The following A1CF variants were observed in gnomAD, a reference collection of about 807,000 sequenced individuals.
A1CF encodes APOBEC1 complementation factor.
A neutral mutation model predicts 68.9 loss-of-function variants in A1CF; 48 were observed. That is an observed-to-expected ratio of 0.70 (90% CI 0.55 to 0.89). The LOEUF (loss-of-function observed/expected upper bound fraction) is 0.89. Ranked by LOEUF, A1CF falls within the 40% of genes least tolerant of loss-of-function variation. A1CF has a pLI of 0.00. For synonymous variants in A1CF, 272 were observed against 260.4 expected, an observed-to-expected ratio of 1.04 and a Z score of -0.43; for missense variants, 653 against 718.9, an observed-to-expected ratio of 0.91 and a Z score of 1.05.
chr10:50,883,419 C>A (rs12244405), intron 1 of A1CF, among the ~76,000 whole-genome samples: 1 of 152,020 alleles, frequency 6.6e-6, no homozygotes. Flanking sequence ...TTACAATAGG[C>A]GTTTCCACTT....
At chr10:50,856,616 T>C (rs1443914848) in intron 3 of A1CF, among the ~76,000 whole-genome samples, 1 of 152,078 alleles carries the variant, frequency 6.6e-6, no homozygotes, top group African/African-American at 2.4e-5. Flanking sequence ...AACCAAAAAT[T>C]TTGGCCAATA....
intron 1 of A1CF, among the ~76,000 whole-genome samples, chr10:50,872,183 A>G (rs1182298137): frequency 6.6e-6 from 1 of 152,192 alleles, no homozygotes; most frequent in African/African-American, 2.4e-5. Flanking sequence ...TAAAACAAAA[A>G]ACCAAGATAA....
intron 1 of A1CF, among the ~76,000 whole-genome samples, chr10:50,869,101 G>A (rs1841132440): frequency 6.6e-6 from 1 of 151,824 alleles, no homozygotes; most frequent in Admixed American, 6.6e-5. Flanking sequence ...AAGTTCACCT[G>A]TGTAATAAAT....
In A1CF at chr10:50,837,452, T is replaced by C. The variant is rs1009653646; in HGVS notation, c.366-1140A>G. 3.3e-5 allele frequency among the ~76,000 whole-genome samples: 5 copies of C among 152,210 alleles called. No individual in the cohort carries two copies. In the South Asian group the frequency reaches 8.3e-4, roughly 25 times the overall value. ...CCAAATAAAGTATCTTCTGGGAATA[T>C]GTCCCTGGAAAATAAAAGTGAGCCC... On this transcript the variant is annotated intron_variant, in intron 5 of 12. Coordinates refer to ENST00000373997, the MANE Select transcript of A1CF (RefSeq NM_014576.4).
At chr10:50,845,015 T>A (rs1374197170) in intron 3 of A1CF, among the ~76,000 whole-genome samples, 1 of 152,202 alleles carries the variant, frequency 6.6e-6, no homozygotes, top group Non-Finnish European at 1.5e-5. Flanking sequence ...ATCTGTGGTG[T>A]CTGTGGGTCA....
intron 10 of A1CF, 76 bp from the exon 11 acceptor site, chr10:50,811,252 C>G (rs1838098459): frequency 6.9e-7 from 1 of 1,445,274 alleles, no homozygotes; most frequent in African/African-American, 1.4e-5. Context: ...GGTTTTTAAA[C>G]TCTAATTTTC....
At chr10:50,880,109 A>T (rs1243451186) in intron 1 of A1CF, among the ~76,000 whole-genome samples, 3 of 152,126 alleles carry the variant, frequency 2.0e-5, no homozygotes, top group African/African-American at 4.8e-5. Flanking sequence ...TCTAACAAAA[A>T]CCCAAGCTGG....
chr10:50,855,845 T>C (rs974737045), intron 3 of A1CF, among the ~76,000 whole-genome samples: 7 of 152,014 alleles, frequency 4.6e-5, no homozygotes, highest in African/African-American at 1.7e-4. Flanking sequence ...TTCTAAACTA[T>C]CATTTTATGG....
chr10:50,830,680 G>C (rs1478229288), intron 6 of A1CF, among the ~76,000 whole-genome samples: 1 of 152,120 alleles, frequency 6.6e-6, no homozygotes, highest in East Asian at 1.9e-4. Flanking sequence ...TTGTTATAAA[G>C]TCCACGCTAC....
chr10:50,861,737 TTATTAC>T (rs1840756386), intron 2 of A1CF, among the ~76,000 whole-genome samples: 1 of 147,948 alleles, frequency 6.8e-6, no homozygotes, highest in Admixed American at 6.8e-5. Flanking sequence ...TTACTGGTAA[TTATTAC>T]TATTACTACT....
chr10:50,809,367 G>A (rs1024953418), intron 12 of A1CF, among the ~76,000 whole-genome samples: 3 of 152,166 alleles, frequency 2.0e-5, no homozygotes, highest in Non-Finnish European at 4.4e-5. Context: ...GTAGATTGAA[G>A]ACTGGAGAGG....
At chr10:50,866,497 A>G (rs1407345196) in intron 1 of A1CF, among the ~76,000 whole-genome samples, 1 of 152,160 alleles carries the variant, frequency 6.6e-6, no homozygotes, top group Non-Finnish European at 1.5e-5. Flanking sequence ...GCAGTTCCCG[A>G]CCCTGTTGGC....
chr10:50,853,799 T>C (rs1840356456), intron 3 of A1CF, among the ~76,000 whole-genome samples: 1 of 146,418 alleles, frequency 6.8e-6, no homozygotes, highest in East Asian at 1.9e-4. Context: ...TTTAGGCTTT[T>C]TTTTAAAAAA....
At chr10:50,827,222 A>C in intron 7 of A1CF, among the ~76,000 whole-genome samples, 1 of 152,174 alleles carries the variant, frequency 6.6e-6, no homozygotes, top group East Asian at 1.9e-4. Context: ...TAGACAGATC[A>C]ACGAGACAGA....
In A1CF at chr10:50,806,684, T is replaced by A. The variant is rs1564489913; in HGVS notation, c.*45A>T. On this transcript the variant is annotated 3_prime_UTR_variant, in exon 13 of 13. Coordinates refer to ENST00000373997, the MANE Select transcript of A1CF (RefSeq NM_014576.4). ...TAGAGGTTTATTTCTTTTTTTTTTT[T>A]AATAGAGTTTTGTGTGTCTTATTCT... is the stretch of plus-strand genomic sequence containing the variant. 7 of 1,509,944 alleles carry A rather than the reference T, an allele frequency of 4.6e-6. No homozygotes were observed. In the Admixed American group the frequency reaches 6.8e-5, roughly 15 times the overall value. The allele number at this position is 1,509,944 out of a possible 1,614,324, so 93.5% of individuals were successfully genotyped here. A position where few individuals can be genotyped will look rare whatever the true frequency, so the allele number is the denominator to read the frequency against.
At position 50,859,908 on chromosome 10, in the gene A1CF, C is replaced by T; in HGVS notation, c.33G>A (p.Leu11=). 2 of 1,613,980 alleles carry T rather than the reference C, an allele frequency of 1.2e-6. No homozygotes were observed. The highest frequency in any genetic ancestry group is 1.7e-6 in the Non-Finnish European group (2 of 1,179,944). The change falls in exon 3 of 13, where the codon TTG becomes TTA. Residue 11 remains leucine (L), a synonymous_variant. Transcript: ENST00000373997. MESNHKSGDG[L]SGTQKEAALR... ...GGGCTGCTTCCTTCTGAGTGCCGCT[C>T]AATCCATCCCCGGATTTGTGATTTG...
At chr10:50,844,884 T>C (rs779907162) in intron 3 of A1CF, among the ~76,000 whole-genome samples, 17 of 152,194 alleles carry the variant, frequency 1.1e-4, no homozygotes, top group Non-Finnish European at 2.4e-4. Flanking sequence ...TTGTTTAAAA[T>C]TGAAGTAAAG....
intron 6 of A1CF, among the ~76,000 whole-genome samples, chr10:50,830,685 C>T (rs182705313): frequency 3.7e-4 from 57 of 152,200 alleles, no homozygotes; most frequent in Admixed American, 9.8e-4. Flanking sequence ...ATAAAGTCCA[C>T]GCTACTCAGA....
rs1215378618 is a variant in A1CF at position 50,836,180 on chromosome 10, G to A, written c.498C>T (p.Val166=). The change falls in exon 6 of 13, where the codon GTC becomes GTT. Residue 166 remains valine (V), a synonymous_variant. Transcript: ENST00000373997. ...TATCTGCAGCGCTTGGGTAGACGAT[G>A]ACATCGACAACACCTTCAGTAACCT... The part of the protein sequence containing the change: ...MKKVTEGVVD[V]IVYPSAADKT... The A allele has an allele frequency of 3.1e-6, 5 of 1,613,984 alleles. No homozygotes were observed. Among genetic ancestry groups the A allele is most frequent in the Non-Finnish European group, 3.4e-6 (4 of 1,179,898 alleles).
Sources: allele counts gnomAD v4.1 joint callset (sites outside exome capture counted in the v4.1 genomes callset), GRCh38; gene constraint gnomAD v4.1.1; transcripts MANE v1.5; gene names NCBI Gene and HGNC (gene_info 2026-07-23, HGNC 2026-07-21).